Variants in UGGT1 observed in about 807,000 individuals in gnomAD.
The protein encoded by UGGT1 is UDP-glucose:glycoprotein glucosyltransferase 1.
Under a neutral mutation model 203.9 loss-of-function variants are expected in UGGT1, and 107 were observed. The observed-to-expected ratio is 0.52, with a 90% CI of 0.45 to 0.62. UGGT1 has a LOEUF of 0.62. Ranked by LOEUF, UGGT1 falls within the 20% of genes least tolerant of loss-of-function variation. The pLI is 0.00. For missense variants in UGGT1, 1,673 were observed against 1,867.2 expected, an observed-to-expected ratio of 0.90 and a Z score of 1.92; for synonymous variants, 628 against 653.5, an observed-to-expected ratio of 0.96 and a Z score of 0.59.
intron 8 of UGGT1, among the ~76,000 whole-genome samples, chr2:128,120,155 A>G (rs1289830791): frequency 2.0e-5 from 3 of 152,098 alleles, no homozygotes; most frequent in Non-Finnish European, 4.4e-5. Flanking sequence ...ATTTTTCTAT[A>G]AATTTTATGA....
At chr2:128,143,332 GTACTTAGCATT>G in intron 17 of UGGT1, 107 bp downstream of exon 17, 1 of 1,245,854 alleles carries the variant, frequency 8.0e-7, no homozygotes, top group Non-Finnish European at 1.1e-6. Flanking sequence ...AAGTGTTTCA[GTACTTAGCATT>G]TAAAAGTTTA....
intron 7 of UGGT1, among the ~76,000 whole-genome samples, chr2:128,115,897 T>C (rs902320439): frequency 2.0e-5 from 3 of 152,202 alleles, no homozygotes; most frequent in African/African-American, 7.2e-5. Context: ...GTTGACTAAT[T>C]ATAAATTCTT....
rs918109556 is a variant in UGGT1, at chr2:128,104,008, C to G, written c.271C>G (p.His91Asp). Residue 91 changes from histidine (H) to aspartate (D), a missense_variant, in exon 3 of 41, where the codon CAT becomes GAT. By Grantham distance (81) the His-to-Asp change is moderately conservative (BLOSUM62 -1). Transcript: ENST00000259253. ...EASQNIGSSD[H>D]DGTDYSYYHA... ...CAGTCAAAATATTGGATCATCAGAT[C>G]ATGACGGTAAAATTGAAGCAAATGC... The G allele has an allele frequency of 1.3e-6, 2 of 1,564,946 alleles. No individual in the cohort carries two copies. The highest frequency in any genetic ancestry group is 1.7e-6 in the Non-Finnish European group (2 of 1,163,904).
At chr2:128,157,818 A>G (rs908183208) in intron 22 of UGGT1, among the ~76,000 whole-genome samples, 1 of 152,210 alleles carries the variant, frequency 6.6e-6, no homozygotes, top group Non-Finnish European at 1.5e-5. Flanking sequence ...TGCCATTAAT[A>G]GTTGGGCTTG....
chr2:128,091,632 C>G (rs904076119), intron 1 of UGGT1: 3 of 1,419,536 alleles, frequency 2.1e-6, no homozygotes, highest in Admixed American at 3.0e-5. Flanking sequence ...GGGCTCTGTT[C>G]AGCGGTCTTG....
chr2:128,159,778 C>T (rs1690438311), intron 23 of UGGT1, 58 bp downstream of exon 23: 1 of 1,537,056 alleles, frequency 6.5e-7, no homozygotes, highest in Non-Finnish European at 8.9e-7. Context: ...GAAGCTCACC[C>T]ACTGCAGCTT....
Position 128,143,243 on chromosome 2 carries a change from G to GT in UGGT1, c.1851+21dup. ...ATCGGAAGGTAAAAAATTTCTTTGT[G>GT]TTTCTTATTTGATTGCAACATTGTA... On this transcript the variant is annotated intron_variant, in intron 17 of 40. Transcript: ENST00000259253. 6.2e-7 allele frequency: 1 copy of GT among 1,611,872 alleles called. No homozygotes were observed. The highest frequency in any genetic ancestry group is 2.2e-5 in the East Asian group (1 of 44,766).
intron 13 of UGGT1, among the ~76,000 whole-genome samples, chr2:128,130,205 T>C (rs1688807998): frequency 6.8e-6 from 1 of 146,666 alleles, no homozygotes; most frequent in African/African-American, 2.5e-5. Context: ...AGGTTACAGG[T>C]AGCTGAGATC....
chr2:128,105,833 CAG>C (rs1687582416), intron 3 of UGGT1, among the ~76,000 whole-genome samples: 1 of 151,798 alleles, frequency 6.6e-6, no homozygotes, highest in African/African-American at 2.4e-5. Flanking sequence ...ATTTTAGAAA[CAG>C]AGTCTGGCTC....
chr2:128,122,052 T>C (rs1172937044), intron 10 of UGGT1, among the ~76,000 whole-genome samples: 1 of 152,168 alleles, frequency 6.6e-6, no homozygotes. Flanking sequence ...AGTGACTAGT[T>C]CATAGTGACA....
intron 25 of UGGT1, among the ~76,000 whole-genome samples, 191 bp from the exon 26 acceptor site, chr2:128,164,539 A>T (rs539557794): frequency 6.6e-6 from 1 of 152,192 alleles, no homozygotes; most frequent in Non-Finnish European, 1.5e-5. Flanking sequence ...TCCATTTCAC[A>T]TGTGGGAAAG....
chr2:128,168,858 C>T (rs1173753052), intron 26 of UGGT1, among the ~76,000 whole-genome samples: 1 of 150,352 alleles, frequency 6.7e-6, no homozygotes. Flanking sequence ...ACCAGCCTGG[C>T]CAACATGGCA....
intron 13 of UGGT1, 53 bp from the exon 14 acceptor site, chr2:128,133,088 T>A (rs2105427472): frequency 6.3e-7 from 1 of 1,592,454 alleles, no homozygotes; most frequent in South Asian, 1.1e-5. Flanking sequence ...TTATTGCAGG[T>A]TTTACTAACT....
At position 128,193,065 on chromosome 2, in the gene UGGT1, TA is replaced by T. The variant is rs1260710374; in HGVS notation, c.*3324del. On this transcript the variant is annotated 3_prime_UTR_variant, in exon 41 of 41. Coordinates refer to ENST00000259253, the MANE Select transcript of UGGT1 (RefSeq NM_020120.4). ...GGTGGCACACACCTGTAGTCCCAGCTACTCGGGAGGCTGAGGCAGGAGAATC... is the reference window on the plus strand; with the variant it reads ...GGTGGCACACACCTGTAGTCCCAGCTCTCGGGAGGCTGAGGCAGGAGAATC... The T allele has an allele frequency of 4.7e-5, 7 of 147,704 alleles. No homozygotes were observed. In the Admixed American group the frequency reaches 4.9e-4, roughly 10 times the overall value. The allele number at this position is 147,704 out of a possible 1,614,324, so 9.1% of individuals were successfully genotyped here. A position where few individuals can be genotyped will look rare whatever the true frequency, so the allele number is the denominator to read the frequency against.
intron 18 of UGGT1, among the ~76,000 whole-genome samples, chr2:128,150,453 T>C (rs1402916760): frequency 6.6e-6 from 1 of 152,122 alleles, no homozygotes; most frequent in Non-Finnish European, 1.5e-5. Flanking sequence ...AGAGATATGC[T>C]ATGCCAGTGG....
chr2:128,175,221 GTA>G lies in UGGT1; in HGVS notation c.3539+365_3539+366del, dbSNP rs138944468. The stretch of plus-strand genomic sequence containing the variant: ...AGCCACACTTTTCTGCCCAGAGAGT[GTA>G]TGTGTTGACCCTGAGTGATTTGCAA... On this transcript the variant is annotated intron_variant, in intron 31 of 40. Transcript: ENST00000259253. Among the ~76,000 whole-genome samples the G allele has an allele frequency of 4.1e-3, 623 of 152,314 alleles. 5 individuals carry two copies. The highest frequency in any genetic ancestry group is 0.013 in the African/African-American group (545 of 41,540).
At position 128,170,393 on chromosome 2, in the gene UGGT1, A is replaced by G. The variant is rs1691034343; in HGVS notation, c.3024+3A>G. The G allele has an allele frequency of 6.2e-7, 1 of 1,613,070 alleles. No individual in the cohort carries two copies. Among genetic ancestry groups the G allele is most frequent in the Admixed American group, 1.7e-5 (1 of 60,018 alleles). ...AGAGACTTGCTCCTTTGCTCTTGGT[A>G]GGAACGCTGTGCAGGAAGTGTACAT... On this transcript the variant is annotated splice_donor_region_variant and intron_variant, in intron 27 of 40. Coordinates refer to ENST00000259253, the MANE Select transcript of UGGT1 (RefSeq NM_020120.4).
chr2:128,174,087 C>A, intron 30 of UGGT1, 148 bp downstream of exon 30: 1 of 952,718 alleles, frequency 1.0e-6, no homozygotes, highest in Non-Finnish European at 1.5e-6. Context: ...ATCATTAGTT[C>A]AGCTAAATTT....
chr2:128,178,417 G>GT lies in UGGT1; in HGVS notation c.3714-50dup, dbSNP rs771127986. The GT allele has an allele frequency of 3.5e-6, 5 of 1,443,892 alleles. No individual in the cohort carries two copies. In the South Asian group the frequency reaches 6.2e-5, roughly 18 times the overall value. 89.4% of individuals were successfully genotyped at this position (1,443,892 alleles called of 1,614,324 possible). On this transcript the variant is annotated intron_variant, in intron 33 of 40. Coordinates refer to ENST00000259253, the MANE Select transcript of UGGT1 (RefSeq NM_020120.4). Reference sequence around the variant, plus strand: ...CTTTCCTCTTACTTTCAAAGGCCGTGTGTCTGTATGAGTGTTTCAAGTGGT... The same window carrying GT: ...CTTTCCTCTTACTTTCAAAGGCCGTGTTGTCTGTATGAGTGTTTCAAGTGGT...
Sources: allele counts gnomAD v4.1 joint callset (sites outside exome capture counted in the v4.1 genomes callset), GRCh38; gene constraint gnomAD v4.1.1; transcripts MANE v1.5; gene names NCBI Gene and HGNC (gene_info 2026-07-23, HGNC 2026-07-21).